The following ATP10B variants were observed in gnomAD, a reference collection of about 807,000 sequenced individuals.
ATP10B encodes the protein ATPase phospholipid transporting 10B (putative), also known as phospholipid-transporting ATPase VB.
In ATP10B, 122 loss-of-function variants were observed where a neutral mutation model predicts 141.2. The ratio of observed to expected loss-of-function variants is 0.86; its 90% CI spans 0.75 to 1.00. ATP10B has a LOEUF of 1.00. Among genes scored for constraint, ATP10B ranks in the 50% least tolerant of loss-of-function variants. The pLI is 0.00. For missense variants in ATP10B, 1,876 were observed against 1,825.3 expected, an observed-to-expected ratio of 1.03 and a Z score of -0.51; for synonymous variants, 685 against 692.0, an observed-to-expected ratio of 0.99 and a Z score of 0.16.
chr5:160,894,394 C>T, the ATP10B span, among the ~76,000 whole-genome samples: 2 of 151,818 alleles, frequency 1.3e-5, no homozygotes, highest in African/African-American at 4.8e-5. Flanking sequence ...AGCACGAGAA[C>T]TTTGTGAAGC....
At chr5:160,798,693 A>G (rs1343816338) in intron 1 of ATP10B, among the ~76,000 whole-genome samples, 1 of 151,510 alleles carries the variant, frequency 6.6e-6, no homozygotes, top group African/African-American at 2.4e-5. Flanking sequence ...GTGATGTGTC[A>G]TGGCAGCCCT....
intron 24 of ATP10B, among the ~76,000 whole-genome samples, chr5:160,572,972 C>T (rs976194238): frequency 1.3e-5 from 2 of 152,160 alleles, no homozygotes; most frequent in Admixed American, 1.3e-4. Context: ...CAGTCTGACA[C>T]GTTTCATACA....
intron 1 of ATP10B, among the ~76,000 whole-genome samples, chr5:160,849,742 C>T (rs1279039446): frequency 2.0e-5 from 3 of 152,096 alleles, no homozygotes; most frequent in Admixed American, 6.6e-5. Context: ...TTCCAAAGCC[C>T]GTTTTTTTTC....
the ATP10B span, among the ~76,000 whole-genome samples, chr5:160,881,022 A>G: frequency 6.6e-6 from 1 of 152,222 alleles, no homozygotes; most frequent in Non-Finnish European, 1.5e-5. Context: ...CTGGGAGGAA[A>G]TATTTACACA....
intron 1 of ATP10B, among the ~76,000 whole-genome samples, chr5:160,788,593 G>A (rs1469259010): frequency 6.6e-6 from 1 of 152,126 alleles, no homozygotes; most frequent in Non-Finnish European, 1.5e-5. Flanking sequence ...AGTCCAGAGG[G>A]TGGCTGTCAA....
intron 7 of ATP10B, among the ~76,000 whole-genome samples, chr5:160,669,222 T>G (rs2127723517): frequency 6.6e-6 from 1 of 152,344 alleles, no homozygotes; most frequent in African/African-American, 2.4e-5. Context: ...TCAACACATA[T>G]TGCCTATGAA....
At chr5:160,668,208 T>C (rs1289252159) in intron 7 of ATP10B, among the ~76,000 whole-genome samples, 1 of 115,842 alleles carries the variant, frequency 8.6e-6, no homozygotes, top group Non-Finnish European at 1.6e-5. Flanking sequence ...CTAGCTTGGG[T>C]AACAGAGCGA....
intron 7 of ATP10B, among the ~76,000 whole-genome samples, chr5:160,656,484 C>T (rs1581284382): frequency 1.3e-5 from 2 of 152,216 alleles, no homozygotes; most frequent in East Asian, 1.9e-4. Context: ...CTACAAATCC[C>T]CTGTATGCTC....
At chr5:160,811,846 C>G (rs1334449304) in intron 1 of ATP10B, among the ~76,000 whole-genome samples, 1 of 152,132 alleles carries the variant, frequency 6.6e-6, no homozygotes, top group Non-Finnish European at 1.5e-5. Context: ...GCCTTGAGCG[C>G]ACATAGGCAG....
chr5:160,597,375 A>T (rs1271721361), intron 22 of ATP10B, among the ~76,000 whole-genome samples: 1 of 152,144 alleles, frequency 6.6e-6, no homozygotes, highest in Non-Finnish European at 1.5e-5. Context: ...CCTTCCTTAC[A>T]CCTTATACAA....
At chr5:160,844,177 C>G (rs1775980422) in intron 1 of ATP10B, among the ~76,000 whole-genome samples, 1 of 152,022 alleles carries the variant, frequency 6.6e-6, no homozygotes. Context: ...AACTTCACTC[C>G]TAAATACATA....
At chr5:160,787,049 G>A (rs1445898757) in intron 1 of ATP10B, among the ~76,000 whole-genome samples, 1 of 151,132 alleles carries the variant, frequency 6.6e-6, no homozygotes, top group Non-Finnish European at 1.5e-5. Flanking sequence ...ACTAAACAGA[G>A]TTCACAAAGA....
chr5:160,873,299 C>A, the ATP10B span, among the ~76,000 whole-genome samples: 3 of 151,984 alleles, frequency 2.0e-5, no homozygotes, highest in Admixed American at 6.5e-5. Context: ...TCATTCTTCA[C>A]GGTGAAACTC....
At chr5:160,801,769 T>C (rs13436173) in intron 1 of ATP10B, among the ~76,000 whole-genome samples, 19,566 of 152,188 alleles carry the variant, frequency 0.13, 1,363 homozygotes, top group East Asian at 0.17. Context: ...CACCAGTTAA[T>C]GAGACAGAAT....
chr5:160,597,857 C>G (rs1713389515), intron 22 of ATP10B, among the ~76,000 whole-genome samples: 1 of 151,866 alleles, frequency 6.6e-6, no homozygotes, highest in Admixed American at 6.6e-5. Context: ...CCATCTCACA[C>G]CAGTTAGAAT....
the ATP10B span, among the ~76,000 whole-genome samples, chr5:160,895,304 G>C: frequency 6.6e-6 from 1 of 152,048 alleles, no homozygotes; most frequent in African/African-American, 2.4e-5. Flanking sequence ...GTATTCAGGA[G>C]ACCCATCTCA....
At chr5:160,724,372 C>T (rs1766195304) in intron 2 of ATP10B, among the ~76,000 whole-genome samples, 1 of 151,056 alleles carries the variant, frequency 6.6e-6, no homozygotes, top group East Asian at 2.0e-4. Context: ...ATCATCCCAC[C>T]TCAGTCCCCC....
chr5:160,878,991 ATC>A, the ATP10B span, among the ~76,000 whole-genome samples: 1 of 129,370 alleles, frequency 7.7e-6, no homozygotes, highest in African/African-American at 2.9e-5. Context: ...TTCCTCAGGG[ATC>A]TAGAACTAGA....
the ATP10B span, among the ~76,000 whole-genome samples, chr5:160,927,019 A>G: frequency 6.6e-6 from 1 of 152,236 alleles, no homozygotes; most frequent in East Asian, 1.9e-4. Context: ...TCTCAAAACA[A>G]CCTCACATGC....
Sources: allele counts gnomAD v4.1 joint callset (sites outside exome capture counted in the v4.1 genomes callset), GRCh38; gene constraint gnomAD v4.1.1; transcripts MANE v1.5; gene names NCBI Gene and HGNC (gene_info 2026-07-23, HGNC 2026-07-21).